SMYD3: variants seen among roughly 807,000 people sequenced by gnomAD.
The protein encoded by SMYD3 is SET and MYND domain containing 3, also known as histone-lysine N-methyltransferase SMYD3.
Under a neutral mutation model 57.7 loss-of-function variants are expected in SMYD3, and 36 were observed. The ratio of observed to expected loss-of-function variants is 0.62; its 90% CI spans 0.48 to 0.82. The LOEUF is 0.82. Ranked by LOEUF, SMYD3 falls within the 40% of genes least tolerant of loss-of-function variation. The pLI is 0.00. For synonymous variants in SMYD3, 211 were observed against 195.0 expected (o/e 1.08, Z -0.68); for missense variants, 515 against 538.8 (o/e 0.96, Z 0.44).
intron 8 of SMYD3, among the ~76,000 whole-genome samples, chr1:245,889,041 A>C (rs2053238180): frequency 6.6e-6 from 1 of 152,198 alleles, no homozygotes; most frequent in Non-Finnish European, 1.5e-5. Flanking sequence ...AGTGAGCCCC[A>C]AGATAGTTAT....
rs184321007 is a variant in SMYD3 at position 245,847,852 on chromosome 1, G to T, written c.1076+10644C>A. On this transcript the variant is annotated intron_variant, in intron 10 of 11. Transcript: ENST00000490107. ...CTACAATGGAAAATGTCTTATTCTG[G>T]AAATGCTTTCACAACATAGGAAGCC... Among the ~76,000 whole-genome samples the T allele has an allele frequency of 6.6e-5, 10 of 152,236 alleles. No homozygotes were observed. In the East Asian group the frequency reaches 1.7e-3, roughly 26 times the overall value.
At chr1:246,118,027 AAAGGT>A (rs918616445) in intron 5 of SMYD3, among the ~76,000 whole-genome samples, 8 of 152,194 alleles carry the variant, frequency 5.3e-5, no homozygotes, top group Admixed American at 6.5e-5. Context: ...ATGAACTTTT[AAAGGT>A]AAGGGACTAC....
At chr1:245,879,989 CACCA>C (rs2052690852) in intron 8 of SMYD3, among the ~76,000 whole-genome samples, 1 of 151,408 alleles carries the variant, frequency 6.6e-6, no homozygotes, top group African/African-American at 2.4e-5. Flanking sequence ...TTGCTGTACA[CACCA>C]GAGATAGCAC....
intron 10 of SMYD3, among the ~76,000 whole-genome samples, chr1:245,800,627 T>C (rs2047813493): frequency 6.6e-6 from 1 of 152,172 alleles, no homozygotes; most frequent in Non-Finnish European, 1.5e-5. Context: ...ATCAAGCTGG[T>C]TGGGAAAAAT....
intron 5 of SMYD3, among the ~76,000 whole-genome samples, chr1:246,213,987 G>T (rs1443160905): frequency 2.0e-5 from 3 of 152,076 alleles, no homozygotes; most frequent in Non-Finnish European, 4.4e-5. Flanking sequence ...TGACTCTCTC[G>T]TAACACCAAA....
intron 10 of SMYD3, among the ~76,000 whole-genome samples, chr1:245,844,397 AC>A (rs1445131424): frequency 6.6e-6 from 1 of 151,902 alleles, no homozygotes; most frequent in Non-Finnish European, 1.5e-5. Flanking sequence ...TTCTCTCTGG[AC>A]CCCCCAGATA....
At chr1:246,488,453 G>A (rs918707984) in intron 1 of SMYD3, among the ~76,000 whole-genome samples, 2 of 152,220 alleles carry the variant, frequency 1.3e-5, no homozygotes, top group African/African-American at 4.8e-5. Flanking sequence ...TTGGGAGGCC[G>A]AGGCGGGCAG....
intron 5 of SMYD3, among the ~76,000 whole-genome samples, chr1:246,065,893 A>G (rs1442696941): frequency 6.6e-6 from 1 of 152,208 alleles, no homozygotes; most frequent in Non-Finnish European, 1.5e-5. Context: ...TCTTTTTGTT[A>G]TATCTGTTAC....
chr1:245,947,382 T>TC, intron 5 of SMYD3: 1 of 457,094 alleles, frequency 2.2e-6, no homozygotes, highest in South Asian at 1.5e-5. Context: ...AAAGTAAGCT[T>TC]CCTTCCTACC....
chr1:245,891,634 T>C (rs1045767822), intron 8 of SMYD3, among the ~76,000 whole-genome samples: 2 of 151,970 alleles, frequency 1.3e-5, no homozygotes, highest in Non-Finnish European at 1.5e-5. Context: ...ACAGCACGAG[T>C]AGTGATGAAG....
At chr1:245,799,174 G>C (rs1471132648) in intron 10 of SMYD3, among the ~76,000 whole-genome samples, 1 of 152,222 alleles carries the variant, frequency 6.6e-6, no homozygotes, top group African/African-American at 2.4e-5. Context: ...GTTGAAGGGA[G>C]AGGGCTGGGC....
At chr1:246,270,828 A>T (rs1261575598) in intron 5 of SMYD3, among the ~76,000 whole-genome samples, 1 of 152,208 alleles carries the variant, frequency 6.6e-6, no homozygotes, top group African/African-American at 2.4e-5. Flanking sequence ...TTTTGGGTAC[A>T]TACACATAAA....
At chr1:246,259,505 C>T (rs79570895) in intron 5 of SMYD3, among the ~76,000 whole-genome samples, 3,575 of 152,088 alleles carry the variant, frequency 0.024, 72 homozygotes, top group Non-Finnish European at 0.036. Context: ...TCTATCTTTG[C>T]TCTGCCTTTG....
intron 10 of SMYD3, among the ~76,000 whole-genome samples, chr1:245,820,454 A>G (rs1162714405): frequency 1.4e-5 from 2 of 144,774 alleles, no homozygotes; most frequent in Admixed American, 6.9e-5. Flanking sequence ...GAATGGGCAA[A>G]AACTGGAAGC....
chr1:245,959,084 TTTTG>T (rs1230758216), intron 5 of SMYD3, among the ~76,000 whole-genome samples: 6 of 152,084 alleles, frequency 3.9e-5, no homozygotes, highest in Admixed American at 1.3e-4. Flanking sequence ...ATTTTTTGGG[TTTTG>T]TTTTTGTTTT....
At position 246,475,595 on chromosome 1, in the gene SMYD3, G is replaced by A. The variant is rs1395451613; in HGVS notation, c.164+31459C>T. 4.0e-5 allele frequency among the ~76,000 whole-genome samples: 6 copies of A among 151,860 alleles called. No individual in the cohort carries two copies. The East Asian group carries it at 1.2e-3, about 30-fold the overall frequency. On this transcript the variant is annotated intron_variant, in intron 1 of 11. Transcript: ENST00000490107. ...AGGGAGGCAGAGGTTGCATTGAGTC[G>A]AGATCACACCACTGCACTCCAGCCT...
chr1:246,119,355 T>C (rs1034286836), intron 5 of SMYD3, among the ~76,000 whole-genome samples: 6 of 151,840 alleles, frequency 4.0e-5, no homozygotes, highest in Non-Finnish European at 7.4e-5. Context: ...TGTAGTTGGG[T>C]CTCTGTCTTG....
intron 5 of SMYD3, among the ~76,000 whole-genome samples, chr1:246,243,162 AC>A (rs1339428294): frequency 6.6e-6 from 1 of 152,094 alleles, no homozygotes; most frequent in African/African-American, 2.4e-5. Flanking sequence ...TCTTCTCAGC[AC>A]CACATCGCAC....
At chr1:245,984,255 G>A (rs2058658897) in intron 5 of SMYD3, among the ~76,000 whole-genome samples, 1 of 152,012 alleles carries the variant, frequency 6.6e-6, no homozygotes, top group Non-Finnish European at 1.5e-5. Flanking sequence ...GCCTTGGCCT[G>A]CCCATGTGCT....
Sources: gnomAD v4.1 joint callset for allele counts (sites outside exome capture counted in the v4.1 genomes callset) on GRCh38, gnomAD v4.1.1 for gene constraint, MANE v1.5 for transcripts, NCBI Gene and HGNC (gene_info 2026-07-23, HGNC 2026-07-21) for gene names.